METAP1: variants seen among roughly 807,000 people sequenced by gnomAD.
The protein encoded by METAP1 is methionyl aminopeptidase 1.
METAP1 carries 28 observed loss-of-function variants against 53.8 expected under a neutral mutation model. That is an observed-to-expected ratio of 0.52 (90% CI 0.39 to 0.71). METAP1 has a LOEUF of 0.71. Ranked by LOEUF, METAP1 falls within the 30% of genes least tolerant of loss-of-function variation. The pLI is 0.00. For missense variants in METAP1, 389 were observed against 479.8 expected, an observed-to-expected ratio of 0.81 and a Z score of 1.77; for synonymous variants, 181 against 165.7, an observed-to-expected ratio of 1.09 and a Z score of -0.71.
intron 1 of METAP1, among the ~76,000 whole-genome samples, chr4:99,021,812 T>G (rs1560704993): frequency 6.6e-6 from 1 of 152,162 alleles, no homozygotes; most frequent in Non-Finnish European, 1.5e-5. Context: ...AGGAAGTTAG[T>G]GATGAGAGGT....
intron 8 of METAP1, among the ~76,000 whole-genome samples, chr4:99,045,779 T>G (rs1296622463): frequency 7.2e-5 from 11 of 152,250 alleles, no homozygotes; most frequent in Admixed American, 7.2e-4. Flanking sequence ...TGTGCATTAA[T>G]GCACACACGT....
At chr4:99,000,092 A>G (rs1722850210) in intron 1 of METAP1, among the ~76,000 whole-genome samples, 1 of 152,216 alleles carries the variant, frequency 6.6e-6, no homozygotes, top group Admixed American at 6.5e-5. Context: ...CTTGCAATGG[A>G]AAACAAAGAA....
intron 5 of METAP1, among the ~76,000 whole-genome samples, chr4:99,040,775 A>G (rs1009200678): frequency 6.6e-6 from 1 of 150,774 alleles, no homozygotes; most frequent in African/African-American, 2.4e-5. Context: ...TACCTCTATC[A>G]GTTGATGATA....
Position 99,035,440 on chromosome 4 carries a change from A to G in METAP1, c.320A>G (p.Asp107Gly). 6.5e-7 allele frequency: 1 copy of G among 1,548,596 alleles called. No homozygotes were observed. The highest frequency in any genetic ancestry group is 8.7e-7 in the Non-Finnish European group (1 of 1,144,402). The change falls in exon 4 of 11, where the codon GAT becomes GGT. Residue 107 changes from aspartate (D) to glycine (G), a missense_variant. By Grantham distance (94) the Asp-to-Gly change is moderately conservative (BLOSUM62 -1). Transcript: ENST00000296411. ...RPVPSYIQRP[D>G]YADHPLGMSE... is the part of the protein sequence containing the mutation. ...GTGCCAAGTTATATTCAAAGACCAG[A>G]TTATGCTGATCATCCCTTAGGTAAG...
intron 2 of METAP1, among the ~76,000 whole-genome samples, chr4:99,032,327 G>A (rs1356417391): frequency 6.6e-6 from 1 of 151,550 alleles, no homozygotes; most frequent in African/African-American, 2.4e-5. Context: ...TCCTGGGCTC[G>A]AGCAATCCTT....
At chr4:99,047,999 T>C (rs1199240939) in intron 8 of METAP1, among the ~76,000 whole-genome samples, 1 of 152,190 alleles carries the variant, frequency 6.6e-6, no homozygotes, top group Admixed American at 6.5e-5. Context: ...TTAGAAGTTG[T>C]CCAGGCTGAA....
At chr4:99,048,214 T>C (rs1291551628) in intron 8 of METAP1, among the ~76,000 whole-genome samples, 1 of 152,140 alleles carries the variant, frequency 6.6e-6, no homozygotes, top group Non-Finnish European at 1.5e-5. Flanking sequence ...GAGTCTAACG[T>C]TTTTGGCATG....
chr4:99,017,266 G>A (rs1723818703), intron 1 of METAP1, among the ~76,000 whole-genome samples: 1 of 152,230 alleles, frequency 6.6e-6, no homozygotes, highest in South Asian at 2.1e-4. Flanking sequence ...TTTTCCAAAT[G>A]TATGCGCTAC....
chr4:99,037,063 T>G (rs953583042), intron 4 of METAP1, among the ~76,000 whole-genome samples: 1 of 151,990 alleles, frequency 6.6e-6, no homozygotes, highest in Non-Finnish European at 1.5e-5. Flanking sequence ...CATTTTAAAA[T>G]TATGAGTAAG....
At chr4:99,030,253 G>T (rs1397190671) in intron 2 of METAP1, among the ~76,000 whole-genome samples, 1 of 152,142 alleles carries the variant, frequency 6.6e-6, no homozygotes, top group Non-Finnish European at 1.5e-5. Context: ...ATTGATGTGT[G>T]CCTGTTTCTT....
chr4:99,026,927 G>C, intron 1 of METAP1: 3 of 820,846 alleles, frequency 3.7e-6, no homozygotes, highest in Non-Finnish European at 4.4e-6. Flanking sequence ...TGAAATACAA[G>C]CCCTTAGCTA....
chr4:99,035,479 A>AT lies in METAP1; in HGVS notation c.340+21dup, dbSNP rs1481614854. ...CCCTTAGGTAAGCTCTGCTATGTTG[A>AT]TTCTTCATTTTTCAATTTGTGGGCT... is the stretch of plus-strand genomic sequence containing the variant. On this transcript the variant is annotated intron_variant, in intron 4 of 10. Coordinates refer to ENST00000296411, the MANE Select transcript of METAP1 (RefSeq NM_015143.3). 1 of 1,522,934 alleles carries AT rather than the reference A, an allele frequency of 6.6e-7. No homozygotes were observed. Among genetic ancestry groups the AT allele is most frequent in the Admixed American group, 2.0e-5 (1 of 50,632 alleles). The allele number at this position is 1,522,934 out of a possible 1,614,324, so 94.3% of individuals were successfully genotyped here.
rs183648430 is a variant in METAP1 at position 99,022,632 on chromosome 4, T to C, written c.115-6235T>C. The stretch of plus-strand genomic sequence containing the variant: ...CCTCCACTCTCAGGTGCTGCCTGTG[T>C]GCACACCTGGCGCTCAAAGGCAAGG... On this transcript the variant is annotated intron_variant, in intron 1 of 10. Coordinates refer to ENST00000296411, the MANE Select transcript of METAP1 (RefSeq NM_015143.3). The C allele has an allele frequency of 7.8e-3, 6,475 of 834,876 alleles. 42 individuals carry two copies. Among genetic ancestry groups the C allele is most frequent in the Non-Finnish European group, 0.01 (5,101 of 508,194 alleles). 51.7% of individuals were successfully genotyped at this position (834,876 alleles called of 1,614,324 possible). A position where few individuals can be genotyped will look rare whatever the true frequency, so the allele number is the denominator to read the frequency against.
chr4:98,995,912 C>A (rs1243830773), intron 1 of METAP1, 45 bp downstream of exon 1: 1 of 1,412,288 alleles, frequency 7.1e-7, no homozygotes, highest in Non-Finnish European at 9.7e-7. Context: ...TGCGGGACCC[C>A]TCCTCGCTTC....
intron 1 of METAP1, among the ~76,000 whole-genome samples, chr4:98,998,292 G>A (rs1722734884): frequency 6.6e-6 from 1 of 152,238 alleles, no homozygotes; most frequent in African/African-American, 2.4e-5. Flanking sequence ...GGAGGCCTAG[G>A]CGGGTGGATC....
At chr4:99,026,601 A>AGG in intron 1 of METAP1, 1 of 985,408 alleles carries the variant, frequency 1.0e-6, no homozygotes. Flanking sequence ...GTTAGAGATG[A>AGG]GGAGGGAAAG....
intron 7 of METAP1, among the ~76,000 whole-genome samples, chr4:99,044,163 A>G (rs191664059): frequency 1.3e-5 from 2 of 152,212 alleles, no homozygotes; most frequent in East Asian, 3.9e-4. Context: ...TCCTGGACTC[A>G]AGCATCTGCC....
At chr4:99,046,557 A>G (rs1453009573) in intron 8 of METAP1, among the ~76,000 whole-genome samples, 1 of 152,176 alleles carries the variant, frequency 6.6e-6, no homozygotes. Flanking sequence ...CAGTCTCTCC[A>G]AATCTTGATG....
At chr4:98,997,804 C>G (rs1337942146) in intron 1 of METAP1, among the ~76,000 whole-genome samples, 1 of 152,170 alleles carries the variant, frequency 6.6e-6, no homozygotes, top group Non-Finnish European at 1.5e-5. Context: ...TAGACATGCA[C>G]TCAAATATTC....
Sources: allele counts gnomAD v4.1 joint callset (sites outside exome capture counted in the v4.1 genomes callset), GRCh38; gene constraint gnomAD v4.1.1; transcripts MANE v1.5; gene names NCBI Gene and HGNC (gene_info 2026-07-23, HGNC 2026-07-21).